Variants in CHL1 observed in about 807,000 individuals in gnomAD.
The protein encoded by CHL1 is cell adhesion molecule L1 like, also known as neural cell adhesion molecule L1-like protein.
A neutral mutation model predicts 141.9 loss-of-function variants in CHL1; 96 were observed. The ratio of observed to expected loss-of-function variants is 0.68; its 90% CI spans 0.57 to 0.80. The LOEUF is 0.80. Ranked by LOEUF, CHL1 falls within the 30% of genes least tolerant of loss-of-function variation. The pLI is 0.00. For missense variants in CHL1, 1,820 were observed against 1,457.2 expected (o/e 1.25, Z -4.05); for synonymous variants, 613 against 502.2 (o/e 1.22, Z -2.95).
intron 11 of CHL1, among the ~76,000 whole-genome samples, chr3:356,895 C>A (rs1703770139): frequency 6.6e-6 from 1 of 152,112 alleles, no homozygotes; most frequent in African/African-American, 2.4e-5. Context: ...GAATTTTAAG[C>A]AGAAGAGTGA....
chr3:330,715 A>G (rs536054601), intron 5 of CHL1, among the ~76,000 whole-genome samples: 1 of 152,192 alleles, frequency 6.6e-6, no homozygotes, highest in Non-Finnish European at 1.5e-5. Context: ...TGTTTGTGAA[A>G]TGTGACCAGC....
intron 2 of CHL1, among the ~76,000 whole-genome samples, chr3:299,960 G>C (rs1398310091): frequency 6.6e-6 from 1 of 152,142 alleles, no homozygotes; most frequent in Non-Finnish European, 1.5e-5. Flanking sequence ...GGAAGTTGTT[G>C]GCCGCCTCTC....
intron 4 of CHL1, among the ~76,000 whole-genome samples, chr3:326,600 A>G (rs1701032216): frequency 6.6e-6 from 1 of 151,878 alleles, no homozygotes; most frequent in African/African-American, 2.4e-5. Flanking sequence ...AGAATTAAAT[A>G]ATTGTTATTC....
At chr3:326,577 A>G (rs1056629203) in intron 4 of CHL1, among the ~76,000 whole-genome samples, 4 of 151,880 alleles carry the variant, frequency 2.6e-5, no homozygotes, top group Non-Finnish European at 4.4e-5. Context: ...ACTATCTAGT[A>G]TTATTTTATT....
chr3:281,230 C>T (rs1324393541), intron 2 of CHL1, among the ~76,000 whole-genome samples: 1 of 152,124 alleles, frequency 6.6e-6, no homozygotes, highest in East Asian at 1.9e-4. Flanking sequence ...ACTTAATCTC[C>T]CTAGTAATTG....
At chr3:233,004 C>T (rs968694154) in intron 1 of CHL1, among the ~76,000 whole-genome samples, 2 of 151,728 alleles carry the variant, frequency 1.3e-5, no homozygotes, top group African/African-American at 4.8e-5. Context: ...TTTCTTTCCT[C>T]CTTTTTTTTT....
chr3:254,126 C>T (rs1188539658), intron 2 of CHL1, among the ~76,000 whole-genome samples: 1 of 152,182 alleles, frequency 6.6e-6, no homozygotes, highest in Non-Finnish European at 1.5e-5. Context: ...AACATGTTAG[C>T]CCTGCTTTAG....
At chr3:367,215 A>ATTAG (rs1415202043) in intron 15 of CHL1, among the ~76,000 whole-genome samples, 1 of 152,236 alleles carries the variant, frequency 6.6e-6, no homozygotes, top group Admixed American at 6.5e-5. Flanking sequence ...ATTGTTACTA[A>ATTAG]GTAAGGGTTA....
intron 2 of CHL1, chr3:246,605 C>A (rs1410242000): frequency 6.6e-6 from 1 of 152,034 alleles, no homozygotes; most frequent in Admixed American, 6.6e-5. Context: ...GAATACCCAA[C>A]CTCTCAAGAA....
chr3:400,750 C>T (rs904168624), intron 26 of CHL1, among the ~76,000 whole-genome samples: 3 of 151,522 alleles, frequency 2.0e-5, no homozygotes, highest in Non-Finnish European at 4.4e-5. Context: ...TGCAGTGAGC[C>T]GAGATCACGC....
rs559185071 is a variant in CHL1 at position 317,064 on chromosome 3, C to T, written c.-94-2619C>T. On this transcript the variant is annotated intron_variant, in intron 2 of 27. Coordinates refer to ENST00000256509, the MANE Select transcript of CHL1 (RefSeq NM_006614.4). ...GTCAGCTAATGGAGTCTTACTTGAA[C>T]GGGGTCACATTTAAACTTCTAATAA... 7.9e-5 allele frequency among the ~76,000 whole-genome samples: 12 copies of T among 152,080 alleles called. No homozygotes were observed. The South Asian group carries it at 2.5e-3, about 32-fold the overall frequency.
At chr3:362,197 A>C (rs976183830) in intron 13 of CHL1, among the ~76,000 whole-genome samples, 1 of 152,206 alleles carries the variant, frequency 6.6e-6, no homozygotes, top group Admixed American at 6.6e-5. Flanking sequence ...TTCCAAATGC[A>C]TGTGCTTAAG....
chr3:320,989 AG>A (rs1411110823), intron 3 of CHL1, among the ~76,000 whole-genome samples: 1 of 152,048 alleles, frequency 6.6e-6, no homozygotes, highest in Non-Finnish European at 1.5e-5. Context: ...AATAATCTTG[AG>A]CTCATAAAAT....
intron 11 of CHL1, among the ~76,000 whole-genome samples, chr3:357,694 G>A (rs1176181739): frequency 6.6e-6 from 1 of 152,222 alleles, no homozygotes. Context: ...AATCCTGGGA[G>A]CTTCTGTTAG....
rs1006416750 is a variant in CHL1 at position 406,458 on chromosome 3, G to T, written c.*747G>T. Reference sequence around the variant, plus strand: ...GCATGGAAGCGGTGGTCAGAAGGTTGTTTTATACGAGAACAGGCAGAAAGT... The same window carrying T: ...GCATGGAAGCGGTGGTCAGAAGGTTTTTTTATACGAGAACAGGCAGAAAGT... On this transcript the variant is annotated 3_prime_UTR_variant, in exon 28 of 28. Transcript: ENST00000256509. 1 of 150,038 alleles carries T rather than the reference G, an allele frequency of 6.7e-6. No individual in the cohort carries two copies. Among genetic ancestry groups the T allele is most frequent in the Non-Finnish European group, 1.5e-5 (1 of 67,730 alleles). The allele number at this position is 150,038 out of a possible 1,614,324, so 9.3% of individuals were successfully genotyped here.
At chr3:320,673 G>A (rs1055198887) in intron 3 of CHL1, among the ~76,000 whole-genome samples, 2 of 151,562 alleles carry the variant, frequency 1.3e-5, no homozygotes, top group African/African-American at 2.4e-5. Flanking sequence ...ACGCCAACCT[G>A]GACAATATAG....
At position 371,678 on chromosome 3, in the gene CHL1, T is replaced by C. The variant is rs532232025; in HGVS notation, c.1751+5563T>C. On this transcript the variant is annotated intron_variant, in intron 15 of 27. Coordinates refer to ENST00000256509, the MANE Select transcript of CHL1 (RefSeq NM_006614.4). ...GCTGTTTGGTCATTTTGCTCATTAG[T>C]TGGTGAAGTTTCTTCATCATGTCAT... Among the ~76,000 whole-genome samples the C allele has an allele frequency of 1.0e-3, 159 of 152,342 alleles. 4 individuals are homozygous for C. In the South Asian group the frequency reaches 0.032, roughly 30 times the overall value.
In CHL1 at chr3:399,161, C is replaced by A; in HGVS notation, c.3385+13C>A. ...GGAAAGTACTCAGGTAAAATTGTTT[C>A]TTAATGTGATTTTCAACTTATTAAA... On this transcript the variant is annotated intron_variant, in intron 26 of 27. Transcript: ENST00000256509. 1 of 1,599,624 alleles carries A rather than the reference C, an allele frequency of 6.3e-7. No homozygotes were observed. Among genetic ancestry groups the A allele is most frequent in the Non-Finnish European group, 8.6e-7 (1 of 1,169,124 alleles).
rs145541473 is a variant in CHL1, at chr3:337,592, C to T, written c.386-3202C>T. On this transcript the variant is annotated intron_variant, in intron 5 of 27. Coordinates refer to ENST00000256509, the MANE Select transcript of CHL1 (RefSeq NM_006614.4). ...CCAAGTGTTCTCATTGTTCAATTCC[C>T]ACTTATGAGTGAGAACATGCAATGT... Among the ~76,000 whole-genome samples, 503 of 151,476 alleles carry T rather than the reference C, an allele frequency of 3.3e-3. 4 individuals carry two copies. Among genetic ancestry groups the T allele is most frequent in the African/African-American group, 0.012 (475 of 41,212 alleles).
Sources: allele counts gnomAD v4.1 joint callset (sites outside exome capture counted in the v4.1 genomes callset), GRCh38; gene constraint gnomAD v4.1.1; transcripts MANE v1.5; gene names NCBI Gene and HGNC (gene_info 2026-07-23, HGNC 2026-07-21).